CPQ: variants seen among roughly 807,000 people sequenced by gnomAD.
CPQ encodes Ser-Met dipeptidase.
Under a neutral mutation model 45.7 loss-of-function variants are expected in CPQ, and 37 were observed. That is an observed-to-expected ratio of 0.81 (90% CI 0.62 to 1.07). CPQ has a LOEUF of 1.07. CPQ is among the 50% of genes least tolerant of loss of function. The pLI is 0.00. For missense variants in CPQ, 537 were observed against 572.9 expected, an observed-to-expected ratio of 0.94 and a Z score of 0.64; for synonymous variants, 186 against 205.8, an observed-to-expected ratio of 0.90 and a Z score of 0.82.
Position 97,060,774 on chromosome 8 carries a change from G to T in CPQ, c.1054-5235G>T, listed in dbSNP as rs540566594. 9.2e-4 allele frequency among the ~76,000 whole-genome samples: 140 copies of T among 152,258 alleles called. 1 individual carries two copies. Among genetic ancestry groups the T allele is most frequent in the Non-Finnish European group, 7.6e-4 (52 of 68,012 alleles). ...AGCATTACTCTGCTCCCTGTCACTA[G>T]CTATAATCAGCTTTTCAAATCTATA... is the stretch of plus-strand genomic sequence containing the variant. On this transcript the variant is annotated intron_variant, in intron 6 of 7. Transcript: ENST00000220763.
chr8:96,800,729 G>A (rs953553081), intron 2 of CPQ, among the ~76,000 whole-genome samples: 2 of 152,028 alleles, frequency 1.3e-5, no homozygotes, highest in Non-Finnish European at 2.9e-5. Flanking sequence ...TAATACAATT[G>A]CATATGTATA....
intron 4 of CPQ, among the ~76,000 whole-genome samples, chr8:96,941,762 C>A (rs945091280): frequency 8.5e-5 from 13 of 152,118 alleles, no homozygotes; most frequent in African/African-American, 2.9e-4. Flanking sequence ...AACCATGATT[C>A]TAAAACAATT....
intron 5 of CPQ, among the ~76,000 whole-genome samples, chr8:96,991,082 G>A (rs75288251): frequency 0.01 from 1,573 of 152,272 alleles, 10 homozygotes; most frequent in Non-Finnish European, 0.017. Context: ...TTGGTAGAAA[G>A]TGGTTCTTAG....
At chr8:96,876,398 C>A (rs1462778205) in intron 3 of CPQ, among the ~76,000 whole-genome samples, 2 of 152,032 alleles carry the variant, frequency 1.3e-5, no homozygotes, top group Non-Finnish European at 2.9e-5. Flanking sequence ...TTTACTTCTT[C>A]TTTTCCAATA....
At chr8:97,123,019 T>TAAAAA in intron 7 of CPQ, among the ~76,000 whole-genome samples, 1 of 17,512 alleles carries the variant, frequency 5.7e-5, no homozygotes, top group Non-Finnish European at 1.1e-4. Flanking sequence ...TAAAATAAAA[T>TAAAAA]AAAATAAATA....
chr8:97,018,530 T>G (rs557239154), intron 5 of CPQ, among the ~76,000 whole-genome samples: 1 of 152,166 alleles, frequency 6.6e-6, no homozygotes, highest in African/African-American at 2.4e-5. Context: ...GTGAAATAGA[T>G]AGCATAAATA....
At chr8:97,045,155 C>T (rs964248679) in intron 6 of CPQ, among the ~76,000 whole-genome samples, 7 of 152,286 alleles carry the variant, frequency 4.6e-5, no homozygotes, top group South Asian at 2.1e-4. Context: ...TCGAGCTTCC[C>T]GGCTGCTTTT....
intron 1 of CPQ, among the ~76,000 whole-genome samples, chr8:96,738,398 A>G (rs1810023589): frequency 6.6e-6 from 1 of 151,376 alleles, no homozygotes; most frequent in South Asian, 2.1e-4. Flanking sequence ...GTGCATATAT[A>G]TGTAAATTGT....
chr8:96,822,377 T>A (rs535083133), intron 2 of CPQ, among the ~76,000 whole-genome samples: 2 of 152,180 alleles, frequency 1.3e-5, no homozygotes, highest in South Asian at 4.1e-4. Flanking sequence ...AGTGCAGGTA[T>A]CTCTTTGACA....
Position 96,774,858 on chromosome 8 carries a change from C to A in CPQ, c.-34-10006C>A, listed in dbSNP as rs547992806. Among the ~76,000 whole-genome samples, 93 of 152,202 alleles carry A rather than the reference C, an allele frequency of 6.1e-4. 2 individuals are homozygous for A. In the South Asian group the frequency reaches 0.019, roughly 31 times the overall value. ...AACAATATATTTAATTATGGATCCC[C>A]AAGAAGCACTTAAAAGTAGTTTATA... is the stretch of plus-strand genomic sequence containing the variant. On this transcript the variant is annotated intron_variant, in intron 1 of 7. Transcript: ENST00000220763.
At chr8:97,084,031 T>A (rs1490949371) in intron 7 of CPQ, among the ~76,000 whole-genome samples, 2 of 152,184 alleles carry the variant, frequency 1.3e-5, no homozygotes, top group Non-Finnish European at 2.9e-5. Context: ...GAAAATTGCT[T>A]ACAATGTAAA....
At chr8:96,780,288 G>T (rs1435309542) in intron 1 of CPQ, among the ~76,000 whole-genome samples, 1 of 152,130 alleles carries the variant, frequency 6.6e-6, no homozygotes, top group African/African-American at 2.4e-5. Flanking sequence ...TACAGAAAAG[G>T]TAGTTTTTAA....
intron 5 of CPQ, among the ~76,000 whole-genome samples, chr8:96,976,503 A>C (rs1813788860): frequency 6.6e-6 from 1 of 151,998 alleles, no homozygotes; most frequent in Admixed American, 6.6e-5. Context: ...AAAACATCCT[A>C]AAATTAATAT....
At chr8:96,986,770 C>T (rs1167397575) in intron 5 of CPQ, among the ~76,000 whole-genome samples, 1 of 152,110 alleles carries the variant, frequency 6.6e-6, no homozygotes, top group Non-Finnish European at 1.5e-5. Flanking sequence ...ATAAATAATA[C>T]AGTTCTATTA....
At chr8:97,074,434 G>A (rs970893796) in intron 7 of CPQ, among the ~76,000 whole-genome samples, 1 of 152,144 alleles carries the variant, frequency 6.6e-6, no homozygotes, top group African/African-American at 2.4e-5. Flanking sequence ...CAAGAAAGAC[G>A]TGGAAGAGAG....
chr8:96,787,077 A>G lies in CPQ; in HGVS notation c.433+1747A>G, dbSNP rs113097246. 9.4e-3 allele frequency among the ~76,000 whole-genome samples: 1,424 copies of G among 152,044 alleles called. 22 individuals carry two copies. The highest frequency in any genetic ancestry group is 0.028 in the African/African-American group (1,154 of 41,490). ...TTCTTTTGTTGCCTGTGCTTTTGGTATCATATCAAACCATTGCCTACACCA... is the reference window on the plus strand; with the variant it reads ...TTCTTTTGTTGCCTGTGCTTTTGGTGTCATATCAAACCATTGCCTACACCA... On this transcript the variant is annotated intron_variant, in intron 2 of 7. Transcript: ENST00000220763.
intron 6 of CPQ, among the ~76,000 whole-genome samples, chr8:97,030,580 G>A (rs1809884129): frequency 6.6e-6 from 1 of 152,066 alleles, no homozygotes; most frequent in African/African-American, 2.4e-5. Flanking sequence ...CCTTTGGTTG[G>A]TAGGTCAGTA....
chr8:97,071,422 T>A (rs1233884493), intron 7 of CPQ, among the ~76,000 whole-genome samples: 1 of 152,190 alleles, frequency 6.6e-6, no homozygotes, highest in African/African-American at 2.4e-5. Context: ...CCTCCACTTG[T>A]GTTCTCCTCC....
At chr8:96,716,021 C>T (rs1276958611) in intron 1 of CPQ, among the ~76,000 whole-genome samples, 3 of 152,192 alleles carry the variant, frequency 2.0e-5, no homozygotes, top group African/African-American at 4.8e-5. Flanking sequence ...GTATACATAG[C>T]CTTAGTGTGT....
Sources: gnomAD v4.1 joint callset for allele counts (sites outside exome capture counted in the v4.1 genomes callset) on GRCh38, gnomAD v4.1.1 for gene constraint, MANE v1.5 for transcripts, NCBI Gene and HGNC (gene_info 2026-07-23, HGNC 2026-07-21) for gene names.